EFL1: variants seen among roughly 807,000 people sequenced by gnomAD.
The protein encoded by EFL1 is elongation factor-like GTPase 1.
EFL1 carries 76 observed loss-of-function variants against 126.7 expected under a neutral mutation model. That is an observed-to-expected ratio of 0.60 (90% CI 0.50 to 0.73). EFL1 has a LOEUF of 0.73. Ranked by LOEUF, EFL1 falls within the 30% of genes least tolerant of loss-of-function variation. The pLI, the probability that EFL1 is intolerant of heterozygous loss-of-function variation, is 0.00. For missense variants in EFL1, 1,128 were observed against 1,343.2 expected (o/e 0.84, Z 2.50); for synonymous variants, 410 against 448.4 (o/e 0.91, Z 1.08).
At chr15:82,234,767 T>C (rs2074855974) in intron 7 of EFL1, among the ~76,000 whole-genome samples, 1 of 152,180 alleles carries the variant, frequency 6.6e-6, no homozygotes, top group Admixed American at 6.5e-5. Context: ...TGTTTTCTCC[T>C]AGTGCATCAT....
intron 15 of EFL1, among the ~76,000 whole-genome samples, chr15:82,190,949 A>G (rs777490841): frequency 6.6e-6 from 1 of 151,916 alleles, no homozygotes; most frequent in African/African-American, 2.4e-5. Flanking sequence ...AAATATATAT[A>G]CTGTGCAGGT....
chr15:82,200,974 T>C (rs1327206460), intron 15 of EFL1, among the ~76,000 whole-genome samples: 1 of 152,192 alleles, frequency 6.6e-6, no homozygotes, highest in Admixed American at 6.5e-5. Context: ...CTCCAACCTC[T>C]TGGGCTCAAG....
chr15:82,216,815 T>C (rs1326334618), intron 14 of EFL1, among the ~76,000 whole-genome samples: 2 of 152,124 alleles, frequency 1.3e-5, no homozygotes, highest in Admixed American at 1.3e-4. Flanking sequence ...ACCCATAAAA[T>C]AATGATAATT....
chr15:82,249,808 T>C (rs2075005333), intron 4 of EFL1, among the ~76,000 whole-genome samples: 1 of 152,238 alleles, frequency 6.6e-6, no homozygotes, highest in African/African-American at 2.4e-5. Context: ...ATTAGGTTCC[T>C]GGAAAATGCT....
intron 15 of EFL1, among the ~76,000 whole-genome samples, chr15:82,179,196 A>G (rs1255129202): frequency 6.6e-6 from 1 of 152,176 alleles, no homozygotes; most frequent in East Asian, 1.9e-4. Context: ...TGGCTTAGGT[A>G]GCAGAAGAGG....
Position 82,240,484 on chromosome 15 carries a change from G to C in EFL1, c.450C>G (p.Arg150=). The change falls in exon 6 of 20, where the codon CGC becomes CGG. Residue 150 remains arginine, a synonymous_variant. Coordinates refer to ENST00000268206, the MANE Select transcript of EFL1 (RefSeq NM_024580.6). ...RPVLVINKID[R]LIVELKFTPQ... ...GGGTGAATTTCAGTTCCACTATCAA[G>C]CGATCAATCTTATTAATCACTAAAA... 1.2e-6 allele frequency: 2 copies of C among 1,613,964 alleles called. No individual in the cohort carries two copies. Among genetic ancestry groups the C allele is most frequent in the South Asian group, 1.1e-5 (1 of 91,048 alleles).
intron 15 of EFL1, among the ~76,000 whole-genome samples, chr15:82,200,946 G>A (rs975157557): frequency 1.3e-5 from 2 of 152,040 alleles, no homozygotes; most frequent in Non-Finnish European, 2.9e-5. Flanking sequence ...GCAGTGGCAC[G>A]ATCACAGCTC....
chr15:82,200,651 T>C (rs1280054205), intron 15 of EFL1, among the ~76,000 whole-genome samples: 1 of 152,220 alleles, frequency 6.6e-6, no homozygotes, highest in African/African-American at 2.4e-5. Flanking sequence ...CCAGTTAGTT[T>C]CAGTGTACTA....
chr15:82,176,422 T>C (rs1428909315), intron 15 of EFL1, among the ~76,000 whole-genome samples: 1 of 152,152 alleles, frequency 6.6e-6, no homozygotes, highest in Non-Finnish European at 1.5e-5. Flanking sequence ...GGAGAAAATA[T>C]TTGCAATACA....
intron 15 of EFL1, among the ~76,000 whole-genome samples, chr15:82,210,040 A>C (rs1343231087): frequency 6.6e-6 from 1 of 152,228 alleles, no homozygotes; most frequent in African/African-American, 2.4e-5. Context: ...TTTCTTATTA[A>C]ATAGGAATTA....
chr15:82,159,805 C>T (rs2074004424), intron 16 of EFL1: 1 of 152,258 alleles, frequency 6.6e-6, no homozygotes, highest in South Asian at 2.1e-4. Context: ...AAATGGATAA[C>T]GTGACTTAGT....
intron 18 of EFL1, among the ~76,000 whole-genome samples, chr15:82,149,858 T>C (rs1364748417): frequency 7.2e-5 from 11 of 152,194 alleles, no homozygotes; most frequent in Admixed American, 7.2e-4. Flanking sequence ...GCACTGGCCA[T>C]CAATAGAAGT....
In EFL1 at chr15:82,228,232, G is replaced by A; in HGVS notation, c.1028C>T (p.Ala343Val). ...TATGGGTAGCCACTGACTGCAAATG[G>A]CGTTGATCTGAACTTTAGGGTCTGA... is the stretch of plus-strand genomic sequence containing the variant. ...RHSDPKVQIN[A>V]ICSQWLPISH... The change falls in exon 10 of 20, where the codon GCC becomes GTC. Residue 343 changes from alanine to valine, a missense_variant. Transcript: ENST00000268206. 1 of 1,613,952 alleles carries A rather than the reference G, an allele frequency of 6.2e-7. No homozygotes were observed. The highest frequency in any genetic ancestry group is 1.1e-5 in the South Asian group (1 of 91,060).
At position 82,151,475 on chromosome 15, in the gene EFL1, AC is replaced by A; in HGVS notation, c.2978del (p.Gly993ValfsTer23). 2 of 1,608,962 alleles carry A rather than the reference AC, an allele frequency of 1.2e-6. No homozygotes were observed. The highest frequency in any genetic ancestry group is 1.7e-6 in the Non-Finnish European group (2 of 1,177,978). ...CCTTTTCTTCCTTACCGAGAACATCACCAGTGGCCATGATGTCACATGTGTA... is the reference window on the plus strand; with the variant it reads ...CCTTTTCTTCCTTACCGAGAACATCACAGTGGCCATGATGTCACATGTGTA... The part of the protein sequence containing the change: ...AMYTCDIMAT[G>X]DVLGRVYAVL... On this transcript the variant is annotated frameshift_variant, in exon 18 of 20. Coordinates refer to ENST00000268206, the MANE Select transcript of EFL1 (RefSeq NM_024580.6). LOFTEE classifies it high-confidence loss of function.
Position 82,152,040 on chromosome 15 carries a change from C to G in EFL1, c.2414G>C (p.Gly805Ala), listed in dbSNP as rs2073916009. Residue 805 changes from glycine (G) to alanine (A), a missense_variant, in exon 18 of 20, where the codon GGA becomes GCA. Physicochemically the swap from Gly to Ala is moderately conservative, Grantham distance 60. Around this residue, in one of 6 missense-constraint regions of EFL1, gnomAD observed 561 missense variants for 641.7 expected, o/e 0.87. Coordinates refer to ENST00000268206, the MANE Select transcript of EFL1 (RefSeq NM_024580.6). ...KTQEKIWEFK[G>A]KLEQHLTGRR... ...CCCTGTTAGGTGTTGCTCCAGTTTT[C>G]CTTTGAATTCCCAAATTTTCTCTTG... 1.2e-6 allele frequency: 2 copies of G among 1,614,140 alleles called. No homozygotes were observed. Among genetic ancestry groups the G allele is most frequent in the East Asian group, 4.5e-5 (2 of 44,884 alleles).
intron 14 of EFL1, among the ~76,000 whole-genome samples, chr15:82,216,942 C>A (rs1163704847): frequency 6.6e-6 from 1 of 151,874 alleles, no homozygotes; most frequent in African/African-American, 2.4e-5. Context: ...GAATTAGTAT[C>A]CAGAATATAC....
At chr15:82,156,348 G>A (rs867008814) in intron 17 of EFL1, among the ~76,000 whole-genome samples, 7 of 152,248 alleles carry the variant, frequency 4.6e-5, no homozygotes, top group Admixed American at 3.3e-4. Context: ...GTGCAGTGGT[G>A]TGATCTCAGC....
chr15:82,182,640 G>A (rs1218007724), intron 15 of EFL1, among the ~76,000 whole-genome samples: 2 of 151,964 alleles, frequency 1.3e-5, no homozygotes, highest in African/African-American at 2.4e-5. Context: ...TGGCTAACAC[G>A]GTGAAACCCC....
chr15:82,184,134 C>T (rs1299032830), intron 15 of EFL1, among the ~76,000 whole-genome samples: 1 of 152,176 alleles, frequency 6.6e-6, no homozygotes, highest in Admixed American at 6.5e-5. Context: ...AATATTTCAT[C>T]ATCTTTGCAT....
Sources: gnomAD v4.1 joint callset for allele counts (sites outside exome capture counted in the v4.1 genomes callset) on GRCh38, gnomAD v4.1.1 for gene constraint, gnomAD v4.1.1 regional missense constraint, MANE v1.5 for transcripts, NCBI Gene and HGNC (gene_info 2026-07-23, HGNC 2026-07-21) for gene names.